DENND1A: variants seen among roughly 807,000 people sequenced by gnomAD.
The protein encoded by DENND1A is DENN domain containing 1A.
Under a neutral mutation model 113.7 loss-of-function variants are expected in DENND1A, and 51 were observed. The ratio of observed to expected loss-of-function variants is 0.45; its 90% confidence interval spans 0.36 to 0.57. The LOEUF (loss-of-function observed/expected upper bound fraction) is 0.57, where lower values mean the gene tolerates loss of function less well. Among genes scored for constraint, DENND1A ranks in the 20% least tolerant of loss-of-function variants. The pLI is 0.00. For missense variants in DENND1A, 1,258 were observed against 1,395.9 expected (o/e 0.90, Z 1.57); for synonymous variants, 565 against 570.8 (o/e 0.99, Z 0.14).
At chr9:123,743,680 T>C (rs1008190056) in intron 5 of DENND1A, among the ~76,000 whole-genome samples, 4 of 151,140 alleles carry the variant, frequency 2.6e-5, no homozygotes, top group African/African-American at 9.7e-5. Flanking sequence ...TGCAGTGAGC[T>C]GAGACCACGC....
intron 9 of DENND1A, among the ~76,000 whole-genome samples, chr9:123,650,680 G>A (rs373401698): frequency 6.6e-6 from 1 of 152,098 alleles, no homozygotes; most frequent in Non-Finnish European, 1.5e-5. Context: ...GCTGAGGTGG[G>A]TGGATCACTT....
intron 21 of DENND1A, among the ~76,000 whole-genome samples, chr9:123,392,163 C>T (rs563734834): frequency 6.6e-6 from 1 of 152,306 alleles, no homozygotes; most frequent in South Asian, 2.1e-4. Context: ...GAAGCAGGGA[C>T]GTGCTCCATG....
intron 5 of DENND1A, among the ~76,000 whole-genome samples, chr9:123,698,333 T>C (rs1049026857): frequency 2.0e-5 from 3 of 152,224 alleles, no homozygotes; most frequent in Non-Finnish European, 4.4e-5. Context: ...TGGTAAGCTA[T>C]AAATGGTTTA....
intron 8 of DENND1A, among the ~76,000 whole-genome samples, chr9:123,657,465 T>C (rs1212816981): frequency 6.6e-6 from 1 of 152,068 alleles, no homozygotes; most frequent in Non-Finnish European, 1.5e-5. Context: ...AGAGAAAGCG[T>C]CTTAGGTTCA....
chr9:123,775,093 C>T (rs1176398643), intron 3 of DENND1A, among the ~76,000 whole-genome samples: 1 of 152,172 alleles, frequency 6.6e-6, no homozygotes, highest in Non-Finnish European at 1.5e-5. Context: ...TATATAACAT[C>T]CTCTATTCCA....
At chr9:123,649,453 G>A (rs1246113738) in intron 9 of DENND1A, among the ~76,000 whole-genome samples, 1 of 152,042 alleles carries the variant, frequency 6.6e-6, no homozygotes, top group Non-Finnish European at 1.5e-5. Context: ...AGGAAAAGTT[G>A]GGTTTCATTT....
chr9:123,412,815 C>T (rs2044416926), intron 19 of DENND1A, among the ~76,000 whole-genome samples: 1 of 152,196 alleles, frequency 6.6e-6, no homozygotes, highest in Non-Finnish European at 1.5e-5. Flanking sequence ...GTTTCCTGCC[C>T]ATTCCGTCAC....
At chr9:123,511,463 C>G (rs2053456494) in intron 13 of DENND1A, among the ~76,000 whole-genome samples, 1 of 152,212 alleles carries the variant, frequency 6.6e-6, no homozygotes, top group Non-Finnish European at 1.5e-5. Flanking sequence ...AGAAGCATGT[C>G]CGATTTAACT....
intron 4 of DENND1A, among the ~76,000 whole-genome samples, chr9:123,766,600 T>C (rs144752245): frequency 9.8e-5 from 15 of 152,322 alleles, no homozygotes; most frequent in African/African-American, 3.6e-4. Flanking sequence ...TGCAAGGTGG[T>C]CTACTGAAAC....
At chr9:123,784,344 T>C (rs983990335) in intron 3 of DENND1A, among the ~76,000 whole-genome samples, 3 of 152,196 alleles carry the variant, frequency 2.0e-5, no homozygotes, top group Non-Finnish European at 2.9e-5. Flanking sequence ...AGGGTGGTGA[T>C]TGTAGCGTCA....
intron 9 of DENND1A, among the ~76,000 whole-genome samples, chr9:123,634,242 T>G (rs1371580654): frequency 6.6e-6 from 1 of 152,206 alleles, no homozygotes; most frequent in East Asian, 1.9e-4. Context: ...AAATCAAGCT[T>G]TTAAGGTGTT....
At chr9:123,745,432 A>T (rs1395177676) in intron 5 of DENND1A, among the ~76,000 whole-genome samples, 5 of 152,230 alleles carry the variant, frequency 3.3e-5, no homozygotes, top group Non-Finnish European at 7.3e-5. Context: ...AAAAGCAAGG[A>T]GCTAGTGGCA....
In DENND1A at chr9:123,381,341, T is replaced by C. The variant is rs957332603; in HGVS notation, c.*91A>G. The stretch of plus-strand genomic sequence containing the variant: ...CCCATCCCTTCCCACCAGCAGAACC[T>C]GGGCAGAGAGAGAGTGGCGGGGGAG... On this transcript the variant is annotated 3_prime_UTR_variant, in exon 24 of 24. Coordinates refer to ENST00000394215, the MANE Select transcript of DENND1A (RefSeq NM_001352964.2). This position sits in a 1 kb window ranked among gnomAD's most constrained non-coding sequence, Gnocchi z 4.7. 12 of 1,317,630 alleles carry C rather than the reference T, an allele frequency of 9.1e-6. No individual in the cohort carries two copies. The highest frequency in any genetic ancestry group is 2.7e-5 in the South Asian group (2 of 74,648). 81.6% of individuals were successfully genotyped at this position (1,317,630 alleles called of 1,614,324 possible).
intron 10 of DENND1A, among the ~76,000 whole-genome samples, chr9:123,611,437 C>T (rs896011088): frequency 2.6e-5 from 4 of 152,166 alleles, no homozygotes; most frequent in Admixed American, 6.5e-5. Context: ...AATACAAAGT[C>T]TGAACCCTGG....
At chr9:123,854,482 G>A (rs61250276) in intron 2 of DENND1A, among the ~76,000 whole-genome samples, 11,021 of 152,078 alleles carry the variant, frequency 0.072, 796 homozygotes, top group African/African-American at 0.19. Flanking sequence ...GATCACCTGA[G>A]GTCAGGAGTT....
At chr9:123,517,211 C>G (rs2054008805) in intron 13 of DENND1A, among the ~76,000 whole-genome samples, 1 of 150,592 alleles carries the variant, frequency 6.6e-6, no homozygotes, top group South Asian at 2.1e-4. Context: ...CGAGATCGCA[C>G]CACTGCACTC....
chr9:123,524,649 T>G (rs1030100920), intron 13 of DENND1A, among the ~76,000 whole-genome samples: 13 of 152,242 alleles, frequency 8.5e-5, no homozygotes, highest in Admixed American at 7.9e-4. Flanking sequence ...AAGTGGCAGA[T>G]GAACCAGGGC....
In DENND1A at chr9:123,458,986, A is replaced by C. The variant is rs139680019; in HGVS notation, c.994-1089T>G. Reference sequence around the variant, plus strand: ...CAAAACAAACAAACAAACAAACAAAAAAACAAAACAAAAAAACAAAAACCC... The same window carrying C: ...CAAAACAAACAAACAAACAAACAAACAAACAAAACAAAAAAACAAAAACCC... On this transcript the variant is annotated intron_variant, in intron 13 of 23. Transcript: ENST00000394215. Among the ~76,000 whole-genome samples the C allele has an allele frequency of 8.0e-3, 1,221 of 152,026 alleles. 10 individuals are homozygous for C. Among genetic ancestry groups the C allele is most frequent in the African/African-American group, 0.016 (681 of 41,412 alleles).
At chr9:123,703,286 G>A (rs1179328888) in intron 5 of DENND1A, among the ~76,000 whole-genome samples, 1 of 152,128 alleles carries the variant, frequency 6.6e-6, no homozygotes, top group Non-Finnish European at 1.5e-5. Flanking sequence ...AAATAACTAC[G>A]ATAATTTGTT....
Sources: allele counts gnomAD v4.1 joint callset (sites outside exome capture counted in the v4.1 genomes callset), GRCh38; gene constraint gnomAD v4.1.1; non-coding constraint Gnocchi (gnomAD v3.1); transcripts MANE v1.5; gene names NCBI Gene and HGNC (gene_info 2026-07-23, HGNC 2026-07-21).